Variants in SLC13A1 observed in about 807,000 individuals in gnomAD.
The protein encoded by SLC13A1 is solute carrier family 13 member 1, also known as Na(+)/sulfate cotransporter.
In SLC13A1, 65 loss-of-function variants were observed where a neutral mutation model predicts 70.0. The ratio of observed to expected loss-of-function variants is 0.93; its 90% CI spans 0.76 to 1.14. The LOEUF (loss-of-function observed/expected upper bound fraction) is 1.14, where lower values mean the gene tolerates loss of function less well. SLC13A1 is among the 50% of genes most tolerant of loss of function. The pLI, the probability that SLC13A1 is intolerant of heterozygous loss-of-function variation, is 0.00. For missense variants in SLC13A1, 726 were observed against 717.8 expected, an observed-to-expected ratio of 1.01 and a Z score of -0.13; for synonymous variants, 275 against 250.5, an observed-to-expected ratio of 1.10 and a Z score of -0.92.
intron 7 of SLC13A1, among the ~76,000 whole-genome samples, chr7:123,138,500 C>G (rs1794027098): frequency 6.6e-6 from 1 of 152,128 alleles, no homozygotes; most frequent in South Asian, 2.1e-4. Flanking sequence ...AAACTGTTCT[C>G]TATAGTGGTT....
intron 8 of SLC13A1, among the ~76,000 whole-genome samples, chr7:123,129,811 TCTAA>T (rs1323114724): frequency 1.3e-5 from 2 of 152,220 alleles, no homozygotes; most frequent in East Asian, 1.9e-4. Flanking sequence ...GCCACTTATC[TCTAA>T]CTAACATTTT....
At chr7:123,123,644 G>A (rs1327198519) in intron 11 of SLC13A1, among the ~76,000 whole-genome samples, 1 of 152,002 alleles carries the variant, frequency 6.6e-6, no homozygotes, top group Non-Finnish European at 1.5e-5. Flanking sequence ...ATAGCATCTT[G>A]TAGCATTTTA....
intron 1 of SLC13A1, 81 bp from the exon 2 acceptor site, chr7:123,181,182 A>T: frequency 1.4e-6 from 2 of 1,439,980 alleles, no homozygotes; most frequent in South Asian, 1.3e-5. Flanking sequence ...TGTTTGCTTA[A>T]TAGAGCCATG....
intron 2 of SLC13A1, among the ~76,000 whole-genome samples, chr7:123,173,505 A>G (rs1260135805): frequency 6.6e-6 from 1 of 152,160 alleles, no homozygotes; most frequent in Non-Finnish European, 1.5e-5. Context: ...ATATTAATAA[A>G]TGCTTGATAA....
At chr7:123,199,036 C>T (rs1796269577) in intron 1 of SLC13A1, among the ~76,000 whole-genome samples, 1 of 152,098 alleles carries the variant, frequency 6.6e-6, no homozygotes. Flanking sequence ...CCAGGTGACA[C>T]AGTTTGTAAG....
intron 1 of SLC13A1, among the ~76,000 whole-genome samples, chr7:123,189,362 G>A (rs1795925623): frequency 6.6e-6 from 1 of 151,742 alleles, no homozygotes; most frequent in Non-Finnish European, 1.5e-5. Context: ...ATAAGCTTCT[G>A]GTCTCTTTAT....
intron 6 of SLC13A1, among the ~76,000 whole-genome samples, chr7:123,163,801 T>C (rs1226692208): frequency 6.6e-6 from 1 of 152,058 alleles, no homozygotes; most frequent in Non-Finnish European, 1.5e-5. Context: ...TCTCTGAATT[T>C]TCCCTGATGG....
intron 6 of SLC13A1, among the ~76,000 whole-genome samples, chr7:123,165,146 A>G (rs1026985635): frequency 1.3e-5 from 2 of 152,126 alleles, no homozygotes; most frequent in African/African-American, 4.8e-5. Flanking sequence ...TTATATATAC[A>G]TTTATTCCTG....
At chr7:123,193,928 C>T (rs2116681868) in intron 1 of SLC13A1, among the ~76,000 whole-genome samples, 1 of 152,068 alleles carries the variant, frequency 6.6e-6, no homozygotes, top group Non-Finnish European at 1.5e-5. Flanking sequence ...ATTGAAGTTC[C>T]CCTCTTTCAT....
intron 10 of SLC13A1, among the ~76,000 whole-genome samples, chr7:123,127,459 A>G (rs1191319350): frequency 6.6e-6 from 1 of 152,152 alleles, no homozygotes; most frequent in African/African-American, 2.4e-5. Flanking sequence ...CCTGTCTAGG[A>G]TGACAGAAGT....
chr7:123,195,451 T>C (rs745395620), intron 1 of SLC13A1, among the ~76,000 whole-genome samples: 3 of 152,034 alleles, frequency 2.0e-5, no homozygotes, highest in Non-Finnish European at 4.4e-5. Flanking sequence ...CTTTCACTTA[T>C]AGTCTTTTTA....
At chr7:123,168,588 C>A (rs1366161343) in intron 4 of SLC13A1, 27 bp from the exon 5 acceptor site, 2 of 1,534,346 alleles carry the variant, frequency 1.3e-6, no homozygotes, top group Non-Finnish European at 1.8e-6. Flanking sequence ...AAAAGAAAAA[C>A]AATTTAAATA....
chr7:123,163,805 C>T (rs188162845), intron 6 of SLC13A1, among the ~76,000 whole-genome samples: 266 of 151,938 alleles, frequency 1.8e-3, no homozygotes, highest in Non-Finnish European at 3.0e-3. Context: ...TGAATTTTCC[C>T]TGATGGTTAA....
chr7:123,178,505 T>G (rs940649074), intron 2 of SLC13A1, among the ~76,000 whole-genome samples: 4 of 152,172 alleles, frequency 2.6e-5, no homozygotes, highest in Non-Finnish European at 5.9e-5. Flanking sequence ...CATACATTAT[T>G]TAATTTGATC....
intron 1 of SLC13A1, among the ~76,000 whole-genome samples, chr7:123,192,782 AT>A (rs1313340161): frequency 2.0e-5 from 3 of 152,184 alleles, no homozygotes. Flanking sequence ...TGCAGCAGTG[AT>A]TTCTTAAGAC....
At chr7:123,139,896 C>T (rs189624418) in intron 7 of SLC13A1, among the ~76,000 whole-genome samples, 31 of 151,988 alleles carry the variant, frequency 2.0e-4, no homozygotes, top group Non-Finnish European at 3.8e-4. Flanking sequence ...AATTTGGGTG[C>T]CTTTTTAACT....
At chr7:123,137,574 G>T (rs953307661) in intron 7 of SLC13A1, among the ~76,000 whole-genome samples, 10 of 152,082 alleles carry the variant, frequency 6.6e-5, no homozygotes, top group Non-Finnish European at 1.2e-4. Flanking sequence ...CATGCCAACA[G>T]CCAGCAAGAA....
At position 123,131,668 on chromosome 7, in the gene SLC13A1, G is replaced by A. The variant is rs965873291; in HGVS notation, c.933-2187C>T. On this transcript the variant is annotated intron_variant, in intron 8 of 14. Transcript: ENST00000194130. ...GCCAGGGGAGCGGCTGATAATTTCC[G>A]TCTGTCAATCTAAAATCTCTGGAGG... 4.6e-5 allele frequency among the ~76,000 whole-genome samples: 7 copies of A among 152,088 alleles called. No individual in the cohort carries two copies. The East Asian group carries it at 9.6e-4, about 21-fold the overall frequency.
At chr7:123,187,401 CA>C (rs934430502) in intron 1 of SLC13A1, among the ~76,000 whole-genome samples, 1 of 152,144 alleles carries the variant, frequency 6.6e-6, no homozygotes, top group Non-Finnish European at 1.5e-5. Flanking sequence ...AAATATACAA[CA>C]AACATATTTG....
Sources: allele counts gnomAD v4.1 joint callset (sites outside exome capture counted in the v4.1 genomes callset), GRCh38; gene constraint gnomAD v4.1.1; transcripts MANE v1.5; gene names NCBI Gene and HGNC (gene_info 2026-07-23, HGNC 2026-07-21).